Variants in ABHD2 observed in about 807,000 individuals in gnomAD.
ABHD2 encodes the protein monoacylglycerol lipase ABHD2.
A neutral mutation model predicts 48.1 loss-of-function variants in ABHD2; 20 were observed. That is an observed-to-expected ratio of 0.42 (90% CI 0.29 to 0.60). The LOEUF (loss-of-function observed/expected upper bound fraction) is 0.60, where lower values mean the gene tolerates loss of function less well. Ranked by LOEUF, ABHD2 falls within the 20% of genes least tolerant of loss-of-function variation. The pLI, the probability that ABHD2 is intolerant of heterozygous loss-of-function variation, is 0.24. For synonymous variants in ABHD2, 209 were observed against 214.2 expected, an observed-to-expected ratio of 0.98 and a Z score of 0.21; for missense variants, 405 against 550.9, an observed-to-expected ratio of 0.74 and a Z score of 2.65.
chr15:89,099,417 T>C (rs772206785), intron 1 of ABHD2, among the ~76,000 whole-genome samples: 7 of 151,786 alleles, frequency 4.6e-5, no homozygotes, highest in Non-Finnish European at 8.8e-5. Context: ...CTGGAAAACA[T>C]AGTGAGACTC....
chr15:89,128,844 G>A (rs941285081), intron 3 of ABHD2, among the ~76,000 whole-genome samples: 1 of 152,142 alleles, frequency 6.6e-6, no homozygotes, highest in Non-Finnish European at 1.5e-5. Context: ...CAGAGAGGAA[G>A]AGTTTGGGCT....
In ABHD2 at chr15:89,106,437, CACCTCATTAG is replaced by C. The variant is rs1174483910; in HGVS notation, c.-106-7283_-106-7274del. 1.3e-5 allele frequency: 2 copies of C among 148,762 alleles called. No homozygotes were observed. The highest frequency in any genetic ancestry group is 5.2e-5 in the African/African-American group (2 of 38,236). The allele number at this position is 148,762 out of a possible 1,614,324, so 9.2% of individuals were successfully genotyped here. On this transcript the variant is annotated intron_variant, in intron 1 of 10. Coordinates refer to ENST00000352732, the MANE Select transcript of ABHD2 (RefSeq NM_152924.5). This position sits in a 1 kb window ranked among gnomAD's most constrained non-coding sequence, Gnocchi z 4.2. ...TGAGCTGCTGGCTAAGGTGCTCACT[CACCTCATTAG>C]ACCTTACCGAGAGTGAGAACAGGGC...
the ABHD2 span, among the ~76,000 whole-genome samples, chr15:89,072,211 C>G: frequency 2.0e-5 from 3 of 152,152 alleles, no homozygotes; most frequent in Non-Finnish European, 4.4e-5. Flanking sequence ...TGCAGTGGCT[C>G]ATGCCTGTAA....
intron 1 of ABHD2, among the ~76,000 whole-genome samples, chr15:89,096,135 C>T (rs917178521): frequency 6.6e-6 from 1 of 150,618 alleles, no homozygotes; most frequent in African/African-American, 2.4e-5. Context: ...TCAGTGTAGG[C>T]TCTCGGGATC....
upstream of ABHD2, among the ~76,000 whole-genome samples, chr15:89,083,805 G>T (rs1010152123): frequency 2.6e-5 from 4 of 152,138 alleles, no homozygotes; most frequent in South Asian, 2.1e-4. The surrounding 1 kb of genome is among the most constrained non-coding windows in gnomAD (Gnocchi z 5.1). Flanking sequence ...CCACATTTTT[G>T]AATTTCATCA....
At chr15:89,153,036 G>C (rs1181872319) in intron 4 of ABHD2, among the ~76,000 whole-genome samples, 1 of 152,128 alleles carries the variant, frequency 6.6e-6, no homozygotes, top group Non-Finnish European at 1.5e-5. Flanking sequence ...CTGAGTAGCT[G>C]GTGACAAAGA....
chr15:89,108,209 A>G (rs1007375724), intron 1 of ABHD2, among the ~76,000 whole-genome samples: 3 of 152,198 alleles, frequency 2.0e-5, no homozygotes, highest in Admixed American at 6.5e-5. Context: ...AGAAGCTAGA[A>G]GTTTGAAAAC....
At chr15:89,101,567 C>T (rs2049701508) in intron 1 of ABHD2, among the ~76,000 whole-genome samples, 1 of 152,186 alleles carries the variant, frequency 6.6e-6, no homozygotes. Flanking sequence ...ATGCACTCAA[C>T]ACCCTAAATT....
Position 89,106,971 on chromosome 15 carries a change from T to G in ABHD2, c.-106-6754T>G, listed in dbSNP as rs2049796129. On this transcript the variant is annotated intron_variant, in intron 1 of 10. Transcript: ENST00000352732. The surrounding 1 kb of genome is among the most constrained non-coding windows in gnomAD (Gnocchi z 4.2). ...AACAGACCATGTTTTTGGGGTGGTGTGCTGTGGCCTTCTGCTGTCCTTCTC... is the reference window on the plus strand; with the variant it reads ...AACAGACCATGTTTTTGGGGTGGTGGGCTGTGGCCTTCTGCTGTCCTTCTC... 6.6e-6 allele frequency among the ~76,000 whole-genome samples: 1 copy of G among 152,192 alleles called. No individual in the cohort carries two copies. Among genetic ancestry groups the G allele is most frequent in the Admixed American group, 6.5e-5 (1 of 15,280 alleles).
intron 9 of ABHD2, among the ~76,000 whole-genome samples, chr15:89,192,253 C>G (rs76212371): frequency 6.6e-6 from 1 of 152,132 alleles, no homozygotes; most frequent in African/African-American, 2.4e-5. Flanking sequence ...TTTTTGATGT[C>G]GTCATTTAAG....
Position 89,201,363 on chromosome 15 carries a change from A to G in ABHD2, c.*5940A>G. On this transcript the variant is annotated 3_prime_UTR_variant, in exon 11 of 11. Coordinates refer to ENST00000352732, the MANE Select transcript of ABHD2 (RefSeq NM_152924.5). ...TGTGGCGTGGGCCCGTCTTGCTTAG[A>G]TGCATTCAGTGGGACAGCTTTGCTG... 1 of 1,049,796 alleles carries G rather than the reference A, an allele frequency of 9.5e-7. No homozygotes were observed. Among genetic ancestry groups the G allele is most frequent in the African/African-American group, 1.6e-5 (1 of 62,962 alleles). The allele number at this position is 1,049,796 out of a possible 1,614,324, so 65.0% of individuals were successfully genotyped here. A position where few individuals can be genotyped will look rare whatever the true frequency, so the allele number is the denominator to read the frequency against.
chr15:89,134,032 G>A (rs186179325), intron 3 of ABHD2, among the ~76,000 whole-genome samples: 11 of 152,106 alleles, frequency 7.2e-5, no homozygotes, highest in African/African-American at 2.7e-4. Flanking sequence ...TAGAGACGGG[G>A]TTTCACCATG....
In ABHD2 at chr15:89,102,694, GAAT is replaced by G. The variant is rs2049719959; in HGVS notation, c.-106-11030_-106-11028del. ...CAGGAAACTGATGAGGAGGCAAGAC[GAAT>G]GTATTGGGAAAGCCCAGCGGAGGAA... is the stretch of plus-strand genomic sequence containing the variant. On this transcript the variant is annotated intron_variant, in intron 1 of 10. Transcript: ENST00000352732. The surrounding 1 kb of genome is among the most constrained non-coding windows in gnomAD (Gnocchi z 4.8). 1 of 152,270 alleles carries G rather than the reference GAAT, an allele frequency of 6.6e-6. No homozygotes were observed. The highest frequency in any genetic ancestry group is 2.4e-5 in the African/African-American group (1 of 41,460). The allele number at this position is 152,270 out of a possible 1,614,324, so 9.4% of individuals were successfully genotyped here. A position where few individuals can be genotyped will look rare whatever the true frequency, so the allele number is the denominator to read the frequency against.
In ABHD2 at chr15:89,184,795, C is replaced by T. The variant is rs1327467911; in HGVS notation, c.723-629C>T. On this transcript the variant is annotated intron_variant, in intron 6 of 10. Coordinates refer to ENST00000352732, the MANE Select transcript of ABHD2 (RefSeq NM_152924.5). The surrounding 1 kb of genome is among the most constrained non-coding windows in gnomAD (Gnocchi z 5.1). Reference sequence around the variant, plus strand: ...ACTAGTGTGCCAGTCACACACTAGCCCTAGAGGCAGAAAGACACTTCCAGA... The same window carrying T: ...ACTAGTGTGCCAGTCACACACTAGCTCTAGAGGCAGAAAGACACTTCCAGA... Among the ~76,000 whole-genome samples, 1 of 152,150 alleles carries T rather than the reference C, an allele frequency of 6.6e-6. No individual in the cohort carries two copies. Among genetic ancestry groups the T allele is most frequent in the African/African-American group, 2.4e-5 (1 of 41,442 alleles).
At chr15:89,085,179 G>A (rs941170144), upstream of ABHD2, among the ~76,000 whole-genome samples, 3 of 152,064 alleles carry the variant, frequency 2.0e-5, no homozygotes, top group Admixed American at 6.6e-5. The surrounding 1 kb of genome is among the most constrained non-coding windows in gnomAD (Gnocchi z 4.2). Flanking sequence ...ATGAAGTCCT[G>A]CAGCTTTGGC....
At chr15:89,141,643 G>A (rs79654430) in intron 3 of ABHD2, among the ~76,000 whole-genome samples, 2,963 of 152,186 alleles carry the variant, frequency 0.019, 85 homozygotes, top group African/African-American at 0.066. Flanking sequence ...GTTAAAGCAG[G>A]AAGAGGGGAA....
chr15:89,175,979 G>A lies in ABHD2; in HGVS notation c.706G>A (p.Gly236Arg). The change falls in exon 6 of 11, where the codon GGG becomes AGG. Residue 236 changes from glycine (G) to arginine (R), a missense_variant. Transcript: ENST00000352732. This position sits in a 1 kb window ranked among gnomAD's most constrained non-coding sequence, Gnocchi z 5.7. ...KVLCCVSVCQGYSALRAQETF... is the reference protein window; with the variant it reads ...KVLCCVSVCQRYSALRAQETF... Reference sequence around the variant, plus strand: ...CCTGTGCTGCGTCAGCGTGTGCCAGGGGTACAGTGCACTGAGGTGAGTCAT... The same window carrying A: ...CCTGTGCTGCGTCAGCGTGTGCCAGAGGTACAGTGCACTGAGGTGAGTCAT... The A allele has an allele frequency of 6.2e-7, 1 of 1,611,260 alleles. No homozygotes were observed. Among genetic ancestry groups the A allele is most frequent in the Non-Finnish European group, 8.5e-7 (1 of 1,178,552 alleles).
chr15:89,110,134 A>AGT (rs1339800432), intron 1 of ABHD2, among the ~76,000 whole-genome samples: 2 of 150,708 alleles, frequency 1.3e-5, no homozygotes, highest in African/African-American at 4.9e-5. Context: ...CCCAGGCTGG[A>AGT]GTGTGGTAGT....
At chr15:89,088,001 T>G (rs1901427604), upstream of ABHD2, 1 of 152,220 alleles carries the variant, frequency 6.6e-6, no homozygotes, top group Non-Finnish European at 1.5e-5. This position sits in a 1 kb window ranked among gnomAD's most constrained non-coding sequence, Gnocchi z 6.8. Context: ...GAGCCCCAGC[T>G]GAGCTACCAG....
Sources: gnomAD v4.1 joint callset for allele counts (sites outside exome capture counted in the v4.1 genomes callset) on GRCh38, gnomAD v4.1.1 for gene constraint, Gnocchi (gnomAD v3.1) non-coding constraint, MANE v1.5 for transcripts, NCBI Gene and HGNC (gene_info 2026-07-23, HGNC 2026-07-21) for gene names.